The following MDFIC2 variants were observed in gnomAD, a reference collection of about 807,000 sequenced individuals.
MDFIC2 encodes the protein myoD family inhibitor domain-containing protein 2.
intron 2 of MDFIC2, among the ~76,000 whole-genome samples, chr3:70,269,545 C>A (rs1403944117): frequency 6.6e-6 from 1 of 152,086 alleles, no homozygotes; most frequent in Non-Finnish European, 1.5e-5. Flanking sequence ...TATTTTTTGA[C>A]CACGTAGCAG....
intron 2 of MDFIC2, chr3:70,291,965 T>C (rs1233761636): frequency 1.3e-5 from 2 of 152,242 alleles, no homozygotes; most frequent in Non-Finnish European, 2.9e-5. Context: ...TTTCTCAGAT[T>C]CATCCATTCA....
intron 2 of MDFIC2, among the ~76,000 whole-genome samples, chr3:70,221,503 G>T (rs1701459878): frequency 6.6e-6 from 1 of 152,044 alleles, no homozygotes; most frequent in African/African-American, 2.4e-5. Context: ...CGTGATATAT[G>T]CAGGAGATAC....
chr3:70,293,483 C>T (rs1360734033), intron 2 of MDFIC2, among the ~76,000 whole-genome samples: 3 of 151,916 alleles, frequency 2.0e-5, no homozygotes, highest in Non-Finnish European at 2.9e-5. Flanking sequence ...AAATCACAGG[C>T]GATGCTGATC....
intron 2 of MDFIC2, among the ~76,000 whole-genome samples, chr3:70,231,006 C>T (rs2106744420): frequency 6.6e-6 from 1 of 152,304 alleles, no homozygotes; most frequent in Admixed American, 6.5e-5. Context: ...CCTCCAGGGC[C>T]TAGCAGCCCT....
At chr3:70,286,093 C>T (rs1702160178) in intron 2 of MDFIC2, among the ~76,000 whole-genome samples, 1 of 152,094 alleles carries the variant, frequency 6.6e-6, no homozygotes, top group African/African-American at 2.4e-5. Flanking sequence ...TTGTGTTTTG[C>T]TGCCATTGCT....
intron 2 of MDFIC2, among the ~76,000 whole-genome samples, chr3:70,258,278 T>G (rs1701835501): frequency 1.3e-5 from 2 of 152,266 alleles, no homozygotes; most frequent in African/African-American, 4.8e-5. Flanking sequence ...GCCATAAAAC[T>G]TAATAAATTG....
chr3:70,278,376 C>T (rs1254353951), intron 2 of MDFIC2, among the ~76,000 whole-genome samples: 1 of 152,046 alleles, frequency 6.6e-6, no homozygotes, highest in East Asian at 1.9e-4. Flanking sequence ...ATGACTGAAG[C>T]TGATATGAAC....
intron 2 of MDFIC2, among the ~76,000 whole-genome samples, chr3:70,289,424 G>A (rs1435613223): frequency 6.7e-6 from 1 of 148,594 alleles, no homozygotes; most frequent in African/African-American, 2.5e-5. Context: ...TCTGCCGAGA[G>A]ATCCGCTGTT....
chr3:70,268,029 TCTCCTCCTC>T (rs201481273), intron 2 of MDFIC2, among the ~76,000 whole-genome samples: 1 of 149,334 alleles, frequency 6.7e-6, no homozygotes, highest in African/African-American at 2.5e-5. Flanking sequence ...TCTTCCTCTT[TCTCCTCCTC>T]CTCCTCCTCC....
intron 2 of MDFIC2, among the ~76,000 whole-genome samples, chr3:70,300,257 A>C (rs940495083): frequency 6.6e-6 from 1 of 152,138 alleles, no homozygotes; most frequent in Admixed American, 6.6e-5. Context: ...AGTAAACAAC[A>C]ATCTAATACT....
At chr3:70,277,843 C>T (rs6549327) in intron 2 of MDFIC2, among the ~76,000 whole-genome samples, 151,557 of 152,190 alleles carry the variant, frequency 1, 75,469 homozygotes, top group East Asian at 1. Flanking sequence ...GTACAGGAGA[C>T]GAAAGGGCAA....
intron 2 of MDFIC2, among the ~76,000 whole-genome samples, chr3:70,220,831 T>C (rs1701455201): frequency 6.6e-6 from 1 of 152,184 alleles, no homozygotes. Flanking sequence ...CATTTCCTTT[T>C]TTGTGCTTCC....
intron 2 of MDFIC2, among the ~76,000 whole-genome samples, chr3:70,253,270 T>A (rs1701786208): frequency 6.6e-6 from 1 of 152,134 alleles, no homozygotes; most frequent in Non-Finnish European, 1.5e-5. Flanking sequence ...GGGAGCCATG[T>A]GGATAGGGAA....
intron 2 of MDFIC2, among the ~76,000 whole-genome samples, chr3:70,297,985 G>T (rs1029365402): frequency 6.6e-6 from 1 of 152,030 alleles, no homozygotes; most frequent in Non-Finnish European, 1.5e-5. Context: ...AATCAGGGGA[G>T]AAATTTTTAA....
At chr3:70,264,153 T>C (rs1382076666) in intron 2 of MDFIC2, among the ~76,000 whole-genome samples, 1 of 152,262 alleles carries the variant, frequency 6.6e-6, no homozygotes, top group Non-Finnish European at 1.5e-5. Context: ...ATGTAGCATA[T>C]GTTTTGCATT....
At chr3:70,263,761 C>T (rs1332998529) in intron 2 of MDFIC2, among the ~76,000 whole-genome samples, 4 of 152,102 alleles carry the variant, frequency 2.6e-5, no homozygotes, top group African/African-American at 9.7e-5. Context: ...TTTGTCTTTC[C>T]TTCATCTCAG....
At chr3:70,247,329 C>A (rs1170155266) in intron 2 of MDFIC2, among the ~76,000 whole-genome samples, 1 of 151,856 alleles carries the variant, frequency 6.6e-6, no homozygotes, top group Non-Finnish European at 1.5e-5. Flanking sequence ...GTATTTCTTA[C>A]AAGGATGAAA....
intron 2 of MDFIC2, among the ~76,000 whole-genome samples, chr3:70,289,699 A>G (rs1306021022): frequency 5.9e-5 from 9 of 152,244 alleles, no homozygotes; most frequent in Middle Eastern, 3.4e-3. Flanking sequence ...AGGTACACCA[A>G]TCAGACCTAG....
At chr3:70,223,931 C>T (rs74608348) in intron 2 of MDFIC2, among the ~76,000 whole-genome samples, 1 of 152,064 alleles carries the variant, frequency 6.6e-6, no homozygotes, top group Non-Finnish European at 1.5e-5. Flanking sequence ...CCTCTCCCCC[C>T]ACCCTTTTGG....
Sources: allele counts gnomAD v4.1 joint callset (sites outside exome capture counted in the v4.1 genomes callset), GRCh38; gene constraint gnomAD v4.1.1; transcripts MANE v1.5; gene names NCBI Gene and HGNC (gene_info 2026-07-23, HGNC 2026-07-21).